Variants in DMAC2L observed in about 807,000 individuals in gnomAD.
DMAC2L encodes distal membrane arm assembly component 2 like.
DMAC2L carries 21 observed loss-of-function variants against 22.5 expected under a neutral mutation model. The ratio of observed to expected loss-of-function variants is 0.93; its 90% confidence interval spans 0.66 to 1.34. DMAC2L has a LOEUF of 1.34. Among genes scored for constraint, DMAC2L ranks in the 40% most tolerant of loss-of-function variants. DMAC2L has a pLI of 0.00. For synonymous variants in DMAC2L, 86 were observed against 89.5 expected (o/e 0.96, Z 0.22); for missense variants, 239 against 246.5 (o/e 0.97, Z 0.20).
intron 1 of DMAC2L, among the ~76,000 whole-genome samples, chr14:50,314,240 A>G (rs1235130204): frequency 6.6e-6 from 1 of 152,224 alleles, no homozygotes; most frequent in South Asian, 2.1e-4. Flanking sequence ...TTCTCCAGAT[A>G]GTGAATGAGC....
chr14:50,322,829 A>G lies in DMAC2L; in HGVS notation c.316+110A>G, dbSNP rs2032391736. 2.6e-6 allele frequency: 4 copies of G among 1,539,228 alleles called. No homozygotes were observed. In the South Asian group the frequency reaches 3.6e-5, roughly 14 times the overall value. On this transcript the variant is annotated intron_variant, in intron 4 of 5. Coordinates refer to ENST00000557421, the MANE Select transcript of DMAC2L (RefSeq NM_001382507.1). ...TAGGTATGTCCTTTTTGCCCATTTC[A>G]TTATAGTCAAGTTTGTTTCTTCCTG...
intron 1 of DMAC2L, chr14:50,312,823 C>T (rs2031369992): frequency 1.7e-6 from 1 of 592,198 alleles, no homozygotes; most frequent in Non-Finnish European, 3.0e-6. Context: ...AGACTGACAG[C>T]CCGCAGTCTT....
rs2032704037 is a variant in DMAC2L, at chr14:50,326,367, A to G, written c.*644A>G. On this transcript the variant is annotated 3_prime_UTR_variant, in exon 6 of 6. Coordinates refer to ENST00000557421, the MANE Select transcript of DMAC2L (RefSeq NM_001382507.1). Reference sequence around the variant, plus strand: ...TATTTGTACAACAGATGTTTTTATTATAACAGTAATTTACATTTAACTTTA... The same window carrying G: ...TATTTGTACAACAGATGTTTTTATTGTAACAGTAATTTACATTTAACTTTA... 2 of 884,176 alleles carry G rather than the reference A, an allele frequency of 2.3e-6. No homozygotes were observed. The highest frequency in any genetic ancestry group is 2.7e-6 in the Non-Finnish European group (2 of 737,812). 54.8% of individuals were successfully genotyped at this position (884,176 alleles called of 1,614,324 possible). A position where few individuals can be genotyped will look rare whatever the true frequency, so the allele number is the denominator to read the frequency against.
chr14:50,312,862 G>A, intron 1 of DMAC2L: 1 of 714,434 alleles, frequency 1.4e-6, no homozygotes. Flanking sequence ...GCTCCTGGCG[G>A]TGCTATTCAT....
chr14:50,318,970 T>C (rs2139292357), intron 2 of DMAC2L: 1 of 954,650 alleles, frequency 1.0e-6, no homozygotes, highest in Admixed American at 6.1e-5. Flanking sequence ...GTCTTACCAT[T>C]GTTGCCTTTG....
rs1023971046 is a variant in DMAC2L at position 50,312,376 on chromosome 14, C to T, written c.-55C>T. 2.1e-5 allele frequency: 13 copies of T among 609,980 alleles called. No homozygotes were observed. The highest frequency in any genetic ancestry group is 3.4e-5 in the Non-Finnish European group (12 of 348,008). 37.8% of individuals were successfully genotyped at this position (609,980 alleles called of 1,614,324 possible). A position where few individuals can be genotyped will look rare whatever the true frequency, so the allele number is the denominator to read the frequency against. Reference sequence around the variant, plus strand: ...GGACGCTGGCTCGCTCCCTCCCTCCCTCCCTCCGACGCTGTGAGTAGAGAA... The same window carrying T: ...GGACGCTGGCTCGCTCCCTCCCTCCTTCCCTCCGACGCTGTGAGTAGAGAA... On this transcript the variant is annotated 5_prime_UTR_variant, in exon 1 of 6. Transcript: ENST00000557421.
intron 1 of DMAC2L, 55 bp downstream of exon 1, chr14:50,312,444 C>T (rs1361741681): frequency 6.1e-6 from 3 of 495,184 alleles, no homozygotes; most frequent in African/African-American, 2.0e-5. Context: ...TGGTTGTGTT[C>T]TGCCCTCGCC....
chr14:50,313,181 C>G, intron 1 of DMAC2L: 1 of 794,086 alleles, frequency 1.3e-6, no homozygotes, highest in South Asian at 1.5e-5. Context: ...ATTCTGTATG[C>G]TTGATGGCAG....
Position 50,322,504 on chromosome 14 carries a change from C to G in DMAC2L, c.108-7C>G, listed in dbSNP as rs1397361797. 14 of 1,583,074 alleles carry G rather than the reference C, an allele frequency of 8.8e-6. No homozygotes were observed. In the African/African-American group the frequency reaches 1.8e-4, roughly 20 times the overall value. On this transcript the variant is annotated splice_region_variant and splice_polypyrimidine_tract_variant and intron_variant, in intron 3 of 5. Transcript: ENST00000557421. ...AAAGCAAACTGCTTTTTTTCTCTTG[C>G]CAACAGGGTGGATTATGATCGCATC...
intron 5 of DMAC2L, among the ~76,000 whole-genome samples, chr14:50,325,020 C>A (rs1489086432): frequency 1.3e-5 from 2 of 152,184 alleles, no homozygotes; most frequent in African/African-American, 4.8e-5. Context: ...ATGATCCGCC[C>A]GCCTCGGCCT....
intron 2 of DMAC2L, chr14:50,319,300 G>A: frequency 6.5e-7 from 1 of 1,536,092 alleles, no homozygotes. Context: ...AGGGATGAAA[G>A]GGTAGTTGGT....
chr14:50,312,347 G>C lies in DMAC2L; in HGVS notation c.-84G>C, dbSNP rs574600945. Reference sequence around the variant, plus strand: ...AAGGGCCGGCCAGGGTGCCGCAGACGCGGGGACGCTGGCTCGCTCCCTCCC... The same window carrying C: ...AAGGGCCGGCCAGGGTGCCGCAGACCCGGGGACGCTGGCTCGCTCCCTCCC... On this transcript the variant is annotated 5_prime_UTR_variant, in exon 1 of 6. Transcript: ENST00000557421. 2.8e-6 allele frequency: 2 copies of C among 712,404 alleles called. No homozygotes were observed. Among genetic ancestry groups the C allele is most frequent in the South Asian group, 3.6e-5 (2 of 54,842 alleles). The allele number at this position is 712,404 out of a possible 1,614,324, so 44.1% of individuals were successfully genotyped here.
intron 4 of DMAC2L, 92 bp from the exon 5 acceptor site, chr14:50,323,853 C>A (rs760232716): frequency 2.9e-6 from 3 of 1,048,290 alleles, no homozygotes; most frequent in Non-Finnish European, 4.2e-6. Flanking sequence ...ATAGGACTTT[C>A]AGTCCTAAAA....
At chr14:50,311,755 A>G (rs969478232), upstream of DMAC2L, among the ~76,000 whole-genome samples, 1 of 152,206 alleles carries the variant, frequency 6.6e-6, no homozygotes, top group Non-Finnish European at 1.5e-5. Context: ...CCAGAGTTCA[A>G]CAGAAAGTGG....
intron 2 of DMAC2L, among the ~76,000 whole-genome samples, chr14:50,319,941 C>A (rs2032126256): frequency 6.6e-6 from 1 of 152,178 alleles, no homozygotes; most frequent in African/African-American, 2.4e-5. Context: ...ATGTCATTCC[C>A]ATCCTTCCCC....
At chr14:50,312,032 C>T, upstream of DMAC2L, 1 of 1,578,218 alleles carries the variant, frequency 6.3e-7, no homozygotes. Context: ...GCTGCGGCTA[C>T]CTCCACACAG....
At chr14:50,319,428 C>T (rs1376537305) in intron 2 of DMAC2L, 1 of 1,389,296 alleles carries the variant, frequency 7.2e-7, no homozygotes, top group African/African-American at 1.4e-5. Flanking sequence ...CTCTTGAATT[C>T]CAGAACCATG....
At chr14:50,320,331 G>A (rs570064917) in intron 2 of DMAC2L, among the ~76,000 whole-genome samples, 8 of 152,020 alleles carry the variant, frequency 5.3e-5, no homozygotes, top group South Asian at 4.1e-4. Context: ...GGATCGTCTC[G>A]ATATCCTGAC....
upstream of DMAC2L, chr14:50,312,000 C>A: frequency 2.6e-6 from 4 of 1,556,298 alleles, no homozygotes; most frequent in Non-Finnish European, 3.5e-6. Flanking sequence ...GGAGGACCAG[C>A]GGCCACTCAC....
Sources: allele counts gnomAD v4.1 joint callset (sites outside exome capture counted in the v4.1 genomes callset), GRCh38; gene constraint gnomAD v4.1.1; transcripts MANE v1.5; gene names NCBI Gene and HGNC (gene_info 2026-07-23, HGNC 2026-07-21).